The following HABP2 variants were observed in gnomAD, a reference collection of about 807,000 sequenced individuals.
HABP2 encodes the protein factor VII-activating protease.
A neutral mutation model predicts 66.5 loss-of-function variants in HABP2; 65 were observed. The ratio of observed to expected loss-of-function variants is 0.98; its 90% confidence interval spans 0.80 to 1.20. HABP2 has a LOEUF of 1.20. HABP2 is among the 50% of genes most tolerant of loss of function. The probability of loss-of-function intolerance (pLI) is 0.00; values close to 1 mark genes in which losing one functional copy is unlikely to be tolerated. For synonymous variants in HABP2, 263 were observed against 253.9 expected, an observed-to-expected ratio of 1.04 and a Z score of -0.34; for missense variants, 786 against 691.0, an observed-to-expected ratio of 1.14 and a Z score of -1.54.
chr10:113,565,449 A>C (rs1318805711), intron 1 of HABP2, among the ~76,000 whole-genome samples: 1 of 152,214 alleles, frequency 6.6e-6, no homozygotes, highest in African/African-American at 2.4e-5. Flanking sequence ...AAGGGGAGCC[A>C]ATGTACAGAG....
chr10:113,572,791 C>A, intron 2 of HABP2: 2 of 433,516 alleles, frequency 4.6e-6, no homozygotes, highest in East Asian at 7.3e-5. Context: ...AAATAATGAG[C>A]AAGCCAAGGG....
Position 113,553,180 on chromosome 10 carries a change from C to G in HABP2, c.59C>G (p.Thr20Arg). 6.2e-7 allele frequency: 1 copy of G among 1,609,882 alleles called. No homozygotes were observed. The highest frequency in any genetic ancestry group is 1.7e-5 in the Admixed American group (1 of 60,020). ...CTGTTAATGGCTCTGGTGGGAAAGA[C>G]AGCCTGTGGGGTAAGTGTTCTTTTC... Reference protein sequence around the residue: ...VLLLMALVGKTACGFSLMSLL... With the variant: ...VLLLMALVGKRACGFSLMSLL... Residue 20 changes from threonine (T) to arginine (R), a missense_variant, in exon 1 of 13, where the codon ACA becomes AGA. Thr to Arg is a moderately conservative substitution (Grantham distance 71). Transcript: ENST00000351270.
At chr10:113,559,264 C>T (rs772323967) in intron 1 of HABP2, among the ~76,000 whole-genome samples, 3 of 152,214 alleles carry the variant, frequency 2.0e-5, no homozygotes, top group Non-Finnish European at 2.9e-5. Context: ...CTCCCCTCCA[C>T]CACCATCTGT....
chr10:113,588,892 T>G lies in HABP2; in HGVS notation c.*523T>G. On this transcript the variant is annotated 3_prime_UTR_variant, in exon 13 of 13. Coordinates refer to ENST00000351270, the MANE Select transcript of HABP2 (RefSeq NM_004132.5). ...GGATGGGCTGGTGGGCCATTCCAGCTTGCCGAAATCAAAGCCATCTGAAGC... is the reference window on the plus strand; with the variant it reads ...GGATGGGCTGGTGGGCCATTCCAGCGTGCCGAAATCAAAGCCATCTGAAGC... 1 of 1,025,926 alleles carries G rather than the reference T, an allele frequency of 9.7e-7. No individual in the cohort carries two copies. Among genetic ancestry groups the G allele is most frequent in the Non-Finnish European group, 1.5e-6 (1 of 659,994 alleles). The allele number at this position is 1,025,926 out of a possible 1,614,324, so 63.6% of individuals were successfully genotyped here.
At chr10:113,562,658 T>C (rs1444158345) in intron 1 of HABP2, among the ~76,000 whole-genome samples, 1 of 152,218 alleles carries the variant, frequency 6.6e-6, no homozygotes. Context: ...TTGGCCAAGC[T>C]GGTCTCCAAC....
rs773029226 is a variant in HABP2 at position 113,582,129 on chromosome 10, C to T, written c.1092C>T (p.Thr364=). 3.7e-6 allele frequency: 6 copies of T among 1,601,676 alleles called. No homozygotes were observed. Among genetic ancestry groups the T allele is most frequent in the East Asian group, 2.2e-5 (1 of 44,828 alleles). ...PCWVLTAAHC[T]DIKTRHLKVV... ...GGGTGCTCACTGCTGCCCACTGCAC[C>T]GAGTAGGTGCCGCTGGGAGCAGGGA... The change falls in exon 9 of 13, where the codon ACC becomes ACT. Residue 364 remains threonine, a splice_region_variant and synonymous_variant. Transcript: ENST00000351270.
In HABP2 at chr10:113,585,933, T is replaced by C. The variant is rs748657320; in HGVS notation, c.1513T>C (p.Cys505Arg). ...TCTTCAGAAACCTGGGCAAGACACC[T>C]GCCAGGTCAGAGACTCCAAGTGGTG... ...GNLQKPGQDT[C>R]QGDSGGPLTC... Residue 505 changes from cysteine to arginine, a missense_variant, in exon 12 of 13, where the codon TGC becomes CGC. By Grantham distance (180) the Cys-to-Arg change is radical. Coordinates refer to ENST00000351270, the MANE Select transcript of HABP2 (RefSeq NM_004132.5). 6.2e-7 allele frequency: 1 copy of C among 1,613,664 alleles called. No homozygotes were observed. Among genetic ancestry groups the C allele is most frequent in the Non-Finnish European group, 8.5e-7 (1 of 1,179,604 alleles).
rs1384901459 is a variant in HABP2 at position 113,588,349 on chromosome 10, A to T, written c.1663A>T (p.Lys555Ter). The T allele has an allele frequency of 1.2e-6, 2 of 1,613,380 alleles. No individual in the cohort carries two copies. Among genetic ancestry groups the T allele is most frequent in the Non-Finnish European group, 8.5e-7 (1 of 1,179,624 alleles). ...CCTGAATTGGATCAAAGCCACCATC[A>T]AAAGTGAAAGTGGCTTCTAAGGTAC... is the stretch of plus-strand genomic sequence containing the variant. ...KFLNWIKATIKSESGF is the reference protein window; with the variant it reads ...KFLNWIKATI Residue 555 changes from lysine (K) to a stop codon, truncating the protein, a stop_gained, in exon 13 of 13, where the codon AAA becomes TAA. Coordinates refer to ENST00000351270, the MANE Select transcript of HABP2 (RefSeq NM_004132.5). LOFTEE classifies it high-confidence loss of function.
At chr10:113,578,483 T>C in intron 6 of HABP2, 144 bp from the exon 7 acceptor site, 5 of 652,866 alleles carry the variant, frequency 7.7e-6, no homozygotes, top group Non-Finnish European at 1.1e-5. Flanking sequence ...TTCAACACTT[T>C]TTTTTCTGAA....
chr10:113,565,797 C>T (rs1341175492), intron 1 of HABP2, among the ~76,000 whole-genome samples: 2 of 152,134 alleles, frequency 1.3e-5, no homozygotes, highest in East Asian at 3.8e-4. Context: ...TACAGTCCTC[C>T]CATCTTTTTT....
In HABP2 at chr10:113,585,921, G is replaced by A. The variant is rs754176299; in HGVS notation, c.1501G>A (p.Gly501Arg). ...MICAGNLQKPGQDTCQGDSGG... is the reference protein window; with the variant it reads ...MICAGNLQKPRQDTCQGDSGG... ...CTGTGCAGGAAATCTTCAGAAACCTGGGCAAGACACCTGCCAGGTCAGAGA... is the reference window on the plus strand; with the variant it reads ...CTGTGCAGGAAATCTTCAGAAACCTAGGCAAGACACCTGCCAGGTCAGAGA... Residue 501 changes from glycine (G) to arginine (R), a missense_variant, in exon 12 of 13, where the codon GGG becomes AGG. Gly to Arg is a moderately radical substitution (Grantham distance 125). Coordinates refer to ENST00000351270, the MANE Select transcript of HABP2 (RefSeq NM_004132.5). 3.7e-6 allele frequency: 6 copies of A among 1,614,012 alleles called. No homozygotes were observed. Among genetic ancestry groups the A allele is most frequent in the Non-Finnish European group, 1.7e-6 (2 of 1,179,922 alleles).
At chr10:113,579,423 A>C (rs11575761) in intron 7 of HABP2, among the ~76,000 whole-genome samples, 1 of 152,202 alleles carries the variant, frequency 6.6e-6, no homozygotes, top group South Asian at 2.1e-4. Flanking sequence ...TCAACCTAGA[A>C]GGGACACATC....
chr10:113,588,578 C>G lies in HABP2; in HGVS notation c.*209C>G, dbSNP rs145434470. ...AGGCTTCTTCTGCCTCCCTTGGTAA[C>G]CCAAGGAATGATGGAATCAACACAA... is the stretch of plus-strand genomic sequence containing the variant. On this transcript the variant is annotated 3_prime_UTR_variant, in exon 13 of 13. Transcript: ENST00000351270. 8.8e-5 allele frequency: 48 copies of G among 546,176 alleles called. No individual in the cohort carries two copies. The highest frequency in any genetic ancestry group is 8.1e-4 in the African/African-American group (43 of 53,280). 33.8% of individuals were successfully genotyped at this position (546,176 alleles called of 1,614,324 possible). A position where few individuals can be genotyped will look rare whatever the true frequency, so the allele number is the denominator to read the frequency against.
At chr10:113,557,154 G>A (rs1411130242) in intron 1 of HABP2, among the ~76,000 whole-genome samples, 1 of 152,148 alleles carries the variant, frequency 6.6e-6, no homozygotes, top group African/African-American at 2.4e-5. Flanking sequence ...TCTTGGACAG[G>A]AAGATGGGAG....
rs144375836 is a variant in HABP2, at chr10:113,584,355, G to T, written c.1372+73G>T. On this transcript the variant is annotated intron_variant, in intron 11 of 12. Coordinates refer to ENST00000351270, the MANE Select transcript of HABP2 (RefSeq NM_004132.5). ...CAGAGAAGAAAGGCCAAACTCAACTGCCCTTTTGAAGTTGAAATGAGTGTC... is the reference window on the plus strand; with the variant it reads ...CAGAGAAGAAAGGCCAAACTCAACTTCCCTTTTGAAGTTGAAATGAGTGTC... 9.0e-4 allele frequency: 1,180 copies of T among 1,311,230 alleles called. 24 individuals carry two copies. In the East Asian group the frequency reaches 0.024, roughly 27 times the overall value. 81.2% of individuals were successfully genotyped at this position (1,311,230 alleles called of 1,614,324 possible). A position where few individuals can be genotyped will look rare whatever the true frequency, so the allele number is the denominator to read the frequency against.
chr10:113,585,979 C>T lies in HABP2; in HGVS notation c.1518+41C>T. The T allele has an allele frequency of 2.5e-6, 4 of 1,586,888 alleles. No individual in the cohort carries two copies. The South Asian group carries it at 3.3e-5, about 13-fold the overall frequency. On this transcript the variant is annotated intron_variant, in intron 12 of 12. Transcript: ENST00000351270. Reference sequence around the variant, plus strand: ...TGGTGCTTGTGGTAGGAGAGGCTAGCAGGATGTTTCACTAGGCAGAGGACC... The same window carrying T: ...TGGTGCTTGTGGTAGGAGAGGCTAGTAGGATGTTTCACTAGGCAGAGGACC...
chr10:113,554,948 G>A (rs1021044954), intron 1 of HABP2, among the ~76,000 whole-genome samples: 8 of 152,242 alleles, frequency 5.3e-5, no homozygotes, highest in African/African-American at 1.9e-4. Context: ...GTGCCAGACA[G>A]GTGGTCGGGA....
chr10:113,559,294 T>C (rs1845057857), intron 1 of HABP2, among the ~76,000 whole-genome samples: 2 of 152,348 alleles, frequency 1.3e-5, no homozygotes, highest in Non-Finnish European at 2.9e-5. Flanking sequence ...GTCCCTGGGA[T>C]GAGCCATTTG....
intron 1 of HABP2, 55 bp from the exon 2 acceptor site, chr10:113,567,434 A>C (rs2286745): frequency 4.3e-6 from 6 of 1,381,472 alleles, no homozygotes; most frequent in Non-Finnish European, 6.2e-6. Flanking sequence ...GCTAAGGAGC[A>C]CGCCCGGCAG....
Sources: allele counts gnomAD v4.1 joint callset (sites outside exome capture counted in the v4.1 genomes callset), GRCh38; gene constraint gnomAD v4.1.1; transcripts MANE v1.5; gene names NCBI Gene and HGNC (gene_info 2026-07-23, HGNC 2026-07-21).